The following ENPEP variants were observed in gnomAD, a reference collection of about 807,000 sequenced individuals.
ENPEP encodes the protein AP-A.
ENPEP carries 103 observed loss-of-function variants against 114.5 expected under a neutral mutation model. That is an observed-to-expected ratio of 0.90 (90% CI 0.77 to 1.06). ENPEP has a LOEUF of 1.06. ENPEP is among the 50% of genes least tolerant of loss of function. The pLI, the probability that ENPEP is intolerant of heterozygous loss-of-function variation, is 0.00. For synonymous variants in ENPEP, 420 were observed against 422.0 expected, an observed-to-expected ratio of 1.00 and a Z score of 0.06; for missense variants, 1,196 against 1,161.3, an observed-to-expected ratio of 1.03 and a Z score of -0.43.
chr4:110,478,501 T>A (rs1724196012), intron 1 of ENPEP, among the ~76,000 whole-genome samples: 2 of 152,256 alleles, frequency 1.3e-5, no homozygotes, highest in African/African-American at 4.8e-5. Flanking sequence ...CTAATGTTTT[T>A]CTAGGCAATC....
chr4:110,527,354 TA>T (rs1726236204), intron 10 of ENPEP, among the ~76,000 whole-genome samples: 1 of 152,062 alleles, frequency 6.6e-6, no homozygotes, highest in Non-Finnish European at 1.5e-5. Context: ...AGAAACTGGG[TA>T]TCCTGCTATA....
chr4:110,477,036 T>C lies in ENPEP; in HGVS notation c.622T>C (p.Tyr208His). ...CCTCGTGGGATTTTATAGAACCACC[T>C]ACACGGAGAACGGACAAGTCAAGTA... The part of the protein sequence containing the change: ...GSLVGFYRTT[Y>H]TENGQVKSIV... The change falls in exon 1 of 20, where the codon TAC (tyrosine) becomes CAC (histidine). Residue 208 changes from tyrosine (Y) to histidine (H), a missense_variant. Transcript: ENST00000265162. The C allele has an allele frequency of 1.2e-6, 2 of 1,614,020 alleles. No individual in the cohort carries two copies. The highest frequency in any genetic ancestry group is 1.7e-5 in the Admixed American group (1 of 60,022).
chr4:110,538,883 A>G (rs1285572371), intron 11 of ENPEP, among the ~76,000 whole-genome samples: 1 of 152,248 alleles, frequency 6.6e-6, no homozygotes, highest in East Asian at 1.9e-4. Flanking sequence ...AGAGAGAGAG[A>G]GAGAGAAAGA....
At chr4:110,495,010 G>A (rs180940120) in intron 3 of ENPEP, among the ~76,000 whole-genome samples, 1 of 152,150 alleles carries the variant, frequency 6.6e-6, no homozygotes, top group African/African-American at 2.4e-5. Context: ...GAGATTATAT[G>A]ACTTTTTAGT....
At chr4:110,488,733 T>G (rs761913882) in intron 2 of ENPEP, 51 bp downstream of exon 2, 5 of 1,552,930 alleles carry the variant, frequency 3.2e-6, no homozygotes, top group Admixed American at 2.1e-5. Flanking sequence ...TTGACAACAT[T>G]AGGCCAGTTA....
rs1173673559 is a variant in ENPEP at position 110,562,799 on chromosome 4, C to A, written c.*1241C>A. ...TGGTAAGTTACTATGTTTCAATCTG[C>A]TATATCTAGAAAATCTAAATTTATT... On this transcript the variant is annotated 3_prime_UTR_variant, in exon 20 of 20. Transcript: ENST00000265162. The A allele has an allele frequency of 2.0e-5, 3 of 152,060 alleles. No individual in the cohort carries two copies. Among genetic ancestry groups the A allele is most frequent in the Non-Finnish European group, 4.4e-5 (3 of 67,994 alleles). The allele number at this position is 152,060 out of a possible 1,614,324, so 9.4% of individuals were successfully genotyped here.
Position 110,476,728 on chromosome 4 carries a change from A to G in ENPEP, c.314A>G (p.His105Arg). ...GTCAACCCAGTCCACTACGACCTGC[A>G]CGTGAAGCCCCTGTTGGAGGAGGAC... ...DFVNPVHYDL[H>R]VKPLLEEDTY... Residue 105 changes from histidine to arginine, a missense_variant, in exon 1 of 20, where the codon CAC becomes CGC. Coordinates refer to ENST00000265162, the MANE Select transcript of ENPEP (RefSeq NM_001977.4). The G allele has an allele frequency of 1.2e-6, 2 of 1,614,030 alleles. No homozygotes were observed. Among genetic ancestry groups the G allele is most frequent in the Non-Finnish European group, 1.7e-6 (2 of 1,180,046 alleles).
At chr4:110,538,236 A>G (rs1726716462) in intron 11 of ENPEP, among the ~76,000 whole-genome samples, 1 of 152,234 alleles carries the variant, frequency 6.6e-6, no homozygotes, top group East Asian at 1.9e-4. Context: ...AAGCTGTTTC[A>G]TCTACACTGA....
intron 1 of ENPEP, 59 bp from the exon 2 acceptor site, chr4:110,488,482 C>T (rs1724583008): frequency 5.9e-6 from 9 of 1,514,434 alleles, no homozygotes; most frequent in South Asian, 1.3e-5. Flanking sequence ...GGAATAGAGA[C>T]ATAGGGGTTG....
In ENPEP at chr4:110,549,543, C is replaced by A. The variant is rs770785614; in HGVS notation, c.2241C>A (p.Ser747=). 8 of 1,613,316 alleles carry A rather than the reference C, an allele frequency of 5.0e-6. No homozygotes were observed. The African/African-American group carries it at 6.7e-5, about 13-fold the overall frequency. The change falls in exon 16 of 20, where the codon TCC becomes TCA. Residue 747 remains serine (S), a synonymous_variant. Coordinates refer to ENST00000265162, the MANE Select transcript of ENPEP (RefSeq NM_001977.4). ...GDHVTKLLRS[S]VLGFACKMGD... Reference sequence around the variant, plus strand: ...GTTTTTTAAGGTTACTCCGTTCCTCCGTGTTAGGGTTTGCGTGCAAGATGG... The same window carrying A: ...GTTTTTTAAGGTTACTCCGTTCCTCAGTGTTAGGGTTTGCGTGCAAGATGG...
At position 110,488,620 on chromosome 4, in the gene ENPEP, A is replaced by T. The variant is rs767683556; in HGVS notation, c.724A>T (p.Thr242Ser). ...TTTTGATGAGCCCAACAAAAAGGCAACTTATACAATATCTATCACCCATCC... is the reference window on the plus strand; with the variant it reads ...TTTTGATGAGCCCAACAAAAAGGCATCTTATACAATATCTATCACCCATCC... ...PCFDEPNKKATYTISITHPKE... is the reference protein window; with the variant it reads ...PCFDEPNKKASYTISITHPKE... The change falls in exon 2 of 20, where the codon ACT becomes TCT. Residue 242 changes from threonine to serine, a missense_variant. Coordinates refer to ENST00000265162, the MANE Select transcript of ENPEP (RefSeq NM_001977.4). 1.2e-6 allele frequency: 2 copies of T among 1,614,080 alleles called. No individual in the cohort carries two copies. Among genetic ancestry groups the T allele is most frequent in the Non-Finnish European group, 1.7e-6 (2 of 1,179,976 alleles).
At chr4:110,511,009 A>C (rs1725553051) in intron 6 of ENPEP, among the ~76,000 whole-genome samples, 1 of 152,172 alleles carries the variant, frequency 6.6e-6, no homozygotes. Context: ...ATGAACCCTA[A>C]AATTTTTTTT....
At chr4:110,477,999 C>T (rs534074471) in intron 1 of ENPEP, among the ~76,000 whole-genome samples, 3 of 152,244 alleles carry the variant, frequency 2.0e-5, no homozygotes, top group South Asian at 2.1e-4. Flanking sequence ...TACACTACAC[C>T]TTGTGTTGTG....
chr4:110,497,975 A>G (rs1308088784), intron 3 of ENPEP, among the ~76,000 whole-genome samples: 1 of 152,220 alleles, frequency 6.6e-6, no homozygotes, highest in African/African-American at 2.4e-5. Context: ...AATACCAGCT[A>G]TGTACCTTAA....
intron 3 of ENPEP, among the ~76,000 whole-genome samples, chr4:110,505,157 T>G (rs1161472329): frequency 6.6e-6 from 1 of 152,198 alleles, no homozygotes; most frequent in Non-Finnish European, 1.5e-5. Flanking sequence ...TTCCCTTTAC[T>G]CTGTTCAATG....
rs193212594 is a variant in ENPEP, at chr4:110,526,791, G to A, written c.1728-4407G>A. On this transcript the variant is annotated intron_variant, in intron 10 of 19. Transcript: ENST00000265162. ...GACAATATTGCAATGAGCAGCCCAC[G>A]TGATAGTTGATGGAAACAATAAGCC... 5.9e-5 allele frequency among the ~76,000 whole-genome samples: 9 copies of A among 152,282 alleles called. No homozygotes were observed. The South Asian group carries it at 6.2e-4, about 11-fold the overall frequency.
rs1725497424 is a variant in ENPEP at position 110,509,642 on chromosome 4, T to C, written c.1040-11T>C. On this transcript the variant is annotated splice_polypyrimidine_tract_variant and intron_variant, in intron 4 of 19. Coordinates refer to ENST00000265162, the MANE Select transcript of ENPEP (RefSeq NM_001977.4). ...AATGTATTTCTCACTGGACTCTTTC[T>C]TCTTCTATAGATAAAATCGCTATTC... 6.2e-7 allele frequency: 1 copy of C among 1,608,410 alleles called. No homozygotes were observed. Among genetic ancestry groups the C allele is most frequent in the Non-Finnish European group, 8.5e-7 (1 of 1,178,606 alleles).
At chr4:110,486,978 A>G (rs1724529244) in intron 1 of ENPEP, among the ~76,000 whole-genome samples, 1 of 152,108 alleles carries the variant, frequency 6.6e-6, no homozygotes, top group Non-Finnish European at 1.5e-5. Flanking sequence ...AGATGGAGTC[A>G]TAGAGGGTCG....
intron 8 of ENPEP, chr4:110,515,835 C>A: frequency 2.2e-6 from 1 of 456,318 alleles, no homozygotes; most frequent in Non-Finnish European, 4.4e-6. Context: ...TCTGGTGAAG[C>A]CTCTCTTCCG....
Sources: allele counts gnomAD v4.1 joint callset (sites outside exome capture counted in the v4.1 genomes callset), GRCh38; gene constraint gnomAD v4.1.1; transcripts MANE v1.5; gene names NCBI Gene and HGNC (gene_info 2026-07-23, HGNC 2026-07-21).